Variants in EYS observed in about 807,000 individuals in gnomAD.
The protein encoded by EYS is protein eyes shut homolog.
In EYS, 250 loss-of-function variants were observed where a neutral mutation model predicts 282.1. That is an observed-to-expected ratio of 0.89 (90% CI 0.80 to 0.98). EYS has a LOEUF of 0.98. Ranked by LOEUF, EYS falls within the 50% of genes least tolerant of loss-of-function variation. EYS has a pLI of 0.00. For missense variants in EYS, 4,016 were observed against 3,709.0 expected (o/e 1.08, Z -2.15); for synonymous variants, 1,355 against 1,282.9 (o/e 1.06, Z -1.20).
intron 2 of EYS, among the ~76,000 whole-genome samples, chr6:65,617,885 T>A (rs1199734464): frequency 3.9e-5 from 6 of 152,030 alleles, no homozygotes; most frequent in Non-Finnish European, 5.9e-5. Context: ...CATGAACTCA[T>A]CATTTTTGAT....
intron 29 of EYS, among the ~76,000 whole-genome samples, chr6:64,309,579 A>G (rs533481155): frequency 1.3e-5 from 1 of 79,646 alleles, no homozygotes; most frequent in East Asian, 2.6e-4. Flanking sequence ...TTCACTTTAA[A>G]TATACAAACA....
chr6:64,699,342 A>G (rs1770702906), intron 22 of EYS, among the ~76,000 whole-genome samples: 1 of 152,064 alleles, frequency 6.6e-6, no homozygotes, highest in Non-Finnish European at 1.5e-5. Context: ...GCATGGGAGC[A>G]GACAGTGGAG....
intron 31 of EYS, among the ~76,000 whole-genome samples, chr6:64,160,042 T>C (rs1775056834): frequency 6.6e-6 from 1 of 152,026 alleles, no homozygotes; most frequent in African/African-American, 2.4e-5. Context: ...GGCCCCAGAG[T>C]TGTGAAATGG....
chr6:65,254,992 A>G (rs1343806778), intron 12 of EYS, among the ~76,000 whole-genome samples: 3 of 151,908 alleles, frequency 2.0e-5, no homozygotes, highest in Admixed American at 6.6e-5. Context: ...CCTTATACAA[A>G]TACCAGTGAT....
chr6:64,886,437 A>C (rs1351819098), intron 19 of EYS, among the ~76,000 whole-genome samples: 2 of 152,034 alleles, frequency 1.3e-5, no homozygotes, highest in Non-Finnish European at 2.9e-5. Flanking sequence ...ATAGCCATGC[A>C]AACTTACTAA....
intron 33 of EYS, among the ~76,000 whole-genome samples, chr6:64,058,610 A>G (rs1166054115): frequency 6.6e-6 from 1 of 152,162 alleles, no homozygotes; most frequent in Non-Finnish European, 1.5e-5. Context: ...CAACATGTTA[A>G]ATCCTGTTAT....
intron 13 of EYS, among the ~76,000 whole-genome samples, chr6:65,054,274 T>C (rs745896645): frequency 1.3e-5 from 2 of 151,968 alleles, no homozygotes; most frequent in Non-Finnish European, 2.9e-5. Context: ...TATCTCTCAG[T>C]ATAATAGGGG....
intron 12 of EYS, among the ~76,000 whole-genome samples, chr6:65,150,273 C>G (rs1157099461): frequency 6.6e-6 from 1 of 151,230 alleles, no homozygotes; most frequent in South Asian, 2.1e-4. Context: ...CCCCTTTTTT[C>G]TTTTTCTTAT....
At chr6:64,240,914 G>T (rs1209910976) in intron 30 of EYS, among the ~76,000 whole-genome samples, 1 of 152,104 alleles carries the variant, frequency 6.6e-6, no homozygotes, top group African/African-American at 2.4e-5. Context: ...TTATTATTTT[G>T]AGATACATTC....
At chr6:64,810,522 T>A (rs1764561623) in intron 22 of EYS, among the ~76,000 whole-genome samples, 1 of 151,966 alleles carries the variant, frequency 6.6e-6, no homozygotes, top group Admixed American at 6.6e-5. Flanking sequence ...AACAAAATAT[T>A]TTAGGTTGGC....
intron 22 of EYS, among the ~76,000 whole-genome samples, chr6:64,675,760 A>G (rs1769638720): frequency 6.6e-6 from 1 of 151,926 alleles, no homozygotes; most frequent in Admixed American, 6.6e-5. Context: ...GTACCATCAC[A>G]TATGGAATTA....
intron 26 of EYS, among the ~76,000 whole-genome samples, chr6:64,563,129 A>G (rs72874986): frequency 9.9e-4 from 150 of 152,164 alleles, no homozygotes; most frequent in Non-Finnish European, 1.8e-3. Context: ...TGAAATTAAT[A>G]ATTTATATAA....
At chr6:64,800,203 G>T (rs1168206951) in intron 22 of EYS, among the ~76,000 whole-genome samples, 1 of 152,036 alleles carries the variant, frequency 6.6e-6, no homozygotes, top group Non-Finnish European at 1.5e-5. Context: ...CAAATGTACA[G>T]ATGCCCTGAC....
intron 31 of EYS, among the ~76,000 whole-genome samples, chr6:64,222,729 C>T (rs1308393964): frequency 6.6e-6 from 1 of 151,846 alleles, no homozygotes; most frequent in Non-Finnish European, 1.5e-5. Context: ...ATAGTGTTTT[C>T]TTTGAAAGAC....
At chr6:64,048,827 C>T (rs749556013) in intron 33 of EYS, among the ~76,000 whole-genome samples, 3 of 152,020 alleles carry the variant, frequency 2.0e-5, no homozygotes, top group Non-Finnish European at 4.4e-5. Flanking sequence ...CCACCGTGAC[C>T]TGTCATATGT....
intron 19 of EYS, among the ~76,000 whole-genome samples, chr6:64,860,564 C>T (rs1766204394): frequency 6.6e-6 from 1 of 152,212 alleles, no homozygotes; most frequent in African/African-American, 2.4e-5. Context: ...AAGTTGGATA[C>T]ACCAGGACCT....
At chr6:64,703,596 C>T (rs2149926725) in intron 22 of EYS, among the ~76,000 whole-genome samples, 1 of 151,172 alleles carries the variant, frequency 6.6e-6, no homozygotes, top group South Asian at 2.1e-4. Context: ...CCATGCCAGG[C>T]TAATTTCCCA....
intron 2 of EYS, among the ~76,000 whole-genome samples, chr6:65,615,133 A>C (rs1485419137): frequency 6.6e-6 from 1 of 152,190 alleles, no homozygotes; most frequent in Non-Finnish European, 1.5e-5. Flanking sequence ...AAGTAGGTTA[A>C]TTGAATTCGA....
chr6:64,951,587 T>A (rs1769512346), intron 14 of EYS, among the ~76,000 whole-genome samples: 1 of 151,928 alleles, frequency 6.6e-6, no homozygotes, highest in Admixed American at 6.6e-5. Context: ...TTAAAAATAC[T>A]TATGATGAAT....
Sources: gnomAD v4.1 joint callset for allele counts (sites outside exome capture counted in the v4.1 genomes callset) on GRCh38, gnomAD v4.1.1 for gene constraint, MANE v1.5 for transcripts, NCBI Gene and HGNC (gene_info 2026-07-23, HGNC 2026-07-21) for gene names.